The following RHNO1 variants were observed in gnomAD, a reference collection of about 807,000 sequenced individuals.
RHNO1 encodes the protein RAD9-HUS1-RAD1 interacting nuclear orphan 1.
Under a neutral mutation model 7.2 loss-of-function variants are expected in RHNO1, and 9 were observed. The ratio of observed to expected loss-of-function variants is 1.25; its 90% confidence interval spans 0.75 to 2.18. RHNO1 has a LOEUF of 2.18. RHNO1 is among the 30% of genes most tolerant of loss of function. The pLI is 0.00. For missense variants in RHNO1, 292 were observed against 284.5 expected, an observed-to-expected ratio of 1.03 and a Z score of -0.19; for synonymous variants, 95 against 107.5, an observed-to-expected ratio of 0.88 and a Z score of 0.72.
At chr12:2,878,486 C>CCTA (rs1419441985) in intron 1 of RHNO1, among the ~76,000 whole-genome samples, 8 of 152,004 alleles carry the variant, frequency 5.3e-5, no homozygotes, top group African/African-American at 1.9e-4. Context: ...GAAGCAGAGC[C>CCTA]TTAGCCATAC....
chr12:2,888,386 GA>G lies in RHNO1; in HGVS notation c.645del (p.Arg215SerfsTer15), dbSNP rs1263046467. On this transcript the variant is annotated frameshift_variant, in exon 3 of 3. Coordinates refer to ENST00000489288, the MANE Select transcript of RHNO1 (RefSeq NM_001252499.3). LOFTEE classifies it high-confidence loss of function. ...DKYGIKVTWRRRQHLLAYLRE... is the reference protein window; with the variant it reads ...DKYGIKVTWRXRQHLLAYLRE... Reference sequence around the variant, plus strand: ...TATGGAATAAAGGTCACATGGAGGAGACGACAGCACCTGCTTGCTTACCTCA... The same window carrying G: ...TATGGAATAAAGGTCACATGGAGGAGCGACAGCACCTGCTTGCTTACCTCA... 2 of 1,613,816 alleles carry G rather than the reference GA, an allele frequency of 1.2e-6. No individual in the cohort carries two copies.
At chr12:2,876,742 G>A (rs2098144952), upstream of RHNO1, among the ~76,000 whole-genome samples, 1 of 152,214 alleles carries the variant, frequency 6.6e-6, no homozygotes, top group Non-Finnish European at 1.5e-5. Context: ...AGAAGGCCAC[G>A]GCCAGGAGGT....
At chr12:2,878,199 T>G (rs1241626875) in intron 1 of RHNO1, 2 of 152,226 alleles carry the variant, frequency 1.3e-5, no homozygotes, top group Non-Finnish European at 2.9e-5. Context: ...GAATTATTGC[T>G]GTAAATTGAA....
In RHNO1 at chr12:2,889,507, C is replaced by G. The variant is rs183107778; in HGVS notation, c.*1048C>G. Reference sequence around the variant, plus strand: ...TCAGACAAGTAGCATCTCATTAAACCCATTCATTTAGCATTCATTCAGCTG... The same window carrying G: ...TCAGACAAGTAGCATCTCATTAAACGCATTCATTTAGCATTCATTCAGCTG... On this transcript the variant is annotated 3_prime_UTR_variant, in exon 3 of 3. Coordinates refer to ENST00000489288, the MANE Select transcript of RHNO1 (RefSeq NM_001252499.3). 10 of 152,248 alleles carry G rather than the reference C, an allele frequency of 6.6e-5. No homozygotes were observed. In the East Asian group the frequency reaches 1.9e-3, roughly 29 times the overall value. The allele number at this position is 152,248 out of a possible 1,614,324, so 9.4% of individuals were successfully genotyped here. A position where few individuals can be genotyped will look rare whatever the true frequency, so the allele number is the denominator to read the frequency against.
In RHNO1 at chr12:2,889,517, A is replaced by G. The variant is rs1358168037; in HGVS notation, c.*1058A>G. ...AGCATCTCATTAAACCCATTCATTT[A>G]GCATTCATTCAGCTGGACCTACTGT... On this transcript the variant is annotated 3_prime_UTR_variant, in exon 3 of 3. Coordinates refer to ENST00000489288, the MANE Select transcript of RHNO1 (RefSeq NM_001252499.3). The G allele has an allele frequency of 1.3e-5, 2 of 152,208 alleles. No homozygotes were observed. Among genetic ancestry groups the G allele is most frequent in the Non-Finnish European group, 2.9e-5 (2 of 68,040 alleles). The allele number at this position is 152,208 out of a possible 1,614,324, so 9.4% of individuals were successfully genotyped here. A position where few individuals can be genotyped will look rare whatever the true frequency, so the allele number is the denominator to read the frequency against.
intron 2 of RHNO1, among the ~76,000 whole-genome samples, chr12:2,887,338 C>T (rs754769401): frequency 6.6e-6 from 1 of 152,128 alleles, no homozygotes. Context: ...ATTAACTGGT[C>T]GTGGTGGTGC....
At chr12:2,884,401 A>G (rs2098162868) in intron 1 of RHNO1, among the ~76,000 whole-genome samples, 1 of 152,050 alleles carries the variant, frequency 6.6e-6, no homozygotes, top group African/African-American at 2.4e-5. Flanking sequence ...TAGTTTTTGT[A>G]TTTTTAGTAG....
chr12:2,883,075 A>AAAAAAAACAAAC (rs1555108315), intron 1 of RHNO1, among the ~76,000 whole-genome samples: 48 of 134,504 alleles, frequency 3.6e-4, no homozygotes, highest in African/African-American at 1.3e-3. Flanking sequence ...TCAAAAAAAA[A>AAAAAAAACAAAC]AAAAAAAAAA....
chr12:2,878,864 C>T (rs1343900514), intron 1 of RHNO1, among the ~76,000 whole-genome samples: 2 of 151,868 alleles, frequency 1.3e-5, no homozygotes, highest in Non-Finnish European at 2.9e-5. Context: ...TGACCAAGGG[C>T]CCTGGAAGAT....
intron 2 of RHNO1, among the ~76,000 whole-genome samples, chr12:2,886,549 T>C (rs1461275407): frequency 2.0e-5 from 3 of 150,148 alleles, no homozygotes; most frequent in Non-Finnish European, 3.0e-5. Flanking sequence ...CCCAGCTACT[T>C]GGGAGGCTAA....
At chr12:2,878,971 T>G (rs2153944059) in intron 1 of RHNO1, among the ~76,000 whole-genome samples, 1 of 49,538 alleles carries the variant, frequency 2.0e-5, no homozygotes, top group African/African-American at 1.3e-4. Flanking sequence ...CAGAATGAGT[T>G]TTTTTTTTAA....
At chr12:2,878,028 C>G (rs1222326616) in intron 1 of RHNO1, 2 of 152,152 alleles carry the variant, frequency 1.3e-5, no homozygotes, top group South Asian at 4.1e-4. Context: ...AAAAATTAGC[C>G]GGGCGTGGTG....
At chr12:2,887,383 C>T (rs73245028) in intron 2 of RHNO1, among the ~76,000 whole-genome samples, 243 of 150,450 alleles carry the variant, frequency 1.6e-3, no homozygotes, top group African/African-American at 5.3e-3. Context: ...GAAGCTTAGG[C>T]AGCAGAATCG....
chr12:2,880,651 T>G (rs1022733729), intron 1 of RHNO1, among the ~76,000 whole-genome samples: 2 of 151,998 alleles, frequency 1.3e-5, no homozygotes, highest in African/African-American at 4.8e-5. Context: ...ATTTATTTAT[T>G]TTGAGATAGG....
At chr12:2,877,480 C>T (rs2098148521) in intron 1 of RHNO1, among the ~76,000 whole-genome samples, 198 bp downstream of exon 1, 1 of 152,232 alleles carries the variant, frequency 6.6e-6, no homozygotes, top group South Asian at 2.1e-4. Context: ...CCCGCTTCCC[C>T]TCAGGCTCCT....
intron 2 of RHNO1, 27 bp downstream of exon 2, chr12:2,885,561 A>AT (rs10558952): frequency 0.031 from 12,069 of 393,492 alleles, 377 homozygotes; most frequent in South Asian, 0.052. Flanking sequence ...ACTATTTGAC[A>AT]TTTTTTTTTT....
chr12:2,887,224 T>C (rs1276286015), intron 2 of RHNO1: 1 of 255,328 alleles, frequency 3.9e-6, no homozygotes, highest in African/African-American at 2.2e-5. Flanking sequence ...ATGCCTGTAA[T>C]CCCAGCACTT....
chr12:2,881,319 T>G (rs1268050244), intron 1 of RHNO1, among the ~76,000 whole-genome samples: 10 of 151,942 alleles, frequency 6.6e-5, no homozygotes, highest in Non-Finnish European at 4.4e-5. Flanking sequence ...GGCAGGCTGG[T>G]CTTGAACTCC....
intron 2 of RHNO1, 90 bp downstream of exon 2, chr12:2,885,624 G>T (rs1190038140): frequency 8.4e-7 from 1 of 1,183,692 alleles, no homozygotes; most frequent in Non-Finnish European, 1.1e-6. Flanking sequence ...GCCCAGGCTG[G>T]AGCACAGTGG....
Sources: gnomAD v4.1 joint callset for allele counts (sites outside exome capture counted in the v4.1 genomes callset) on GRCh38, gnomAD v4.1.1 for gene constraint, MANE v1.5 for transcripts, NCBI Gene and HGNC (gene_info 2026-07-23, HGNC 2026-07-21) for gene names.